LARGE1: variants seen among roughly 807,000 people sequenced by gnomAD.
LARGE1 encodes the protein xylosyl- and glucuronyltransferase LARGE1.
In LARGE1, 43 loss-of-function variants were observed where a neutral mutation model predicts 87.6. That is an observed-to-expected ratio of 0.49 (90% CI 0.38 to 0.63). The LOEUF (loss-of-function observed/expected upper bound fraction) is 0.63, where lower values mean the gene tolerates loss of function less well. Among genes scored for constraint, LARGE1 ranks in the 30% least tolerant of loss-of-function variants. The probability of loss-of-function intolerance (pLI) is 0.00; values close to 1 mark genes in which losing one functional copy is unlikely to be tolerated. For synonymous variants in LARGE1, 434 were observed against 394.6 expected (o/e 1.10, Z -1.18); for missense variants, 802 against 1,000.2 (o/e 0.80, Z 2.67).
At chr22:33,895,411 C>A (rs78787317) in intron 1 of LARGE1, among the ~76,000 whole-genome samples, 3,256 of 152,286 alleles carry the variant, frequency 0.021, 124 homozygotes, top group African/African-American at 0.075. Context: ...CAAAACAGCA[C>A]ACATTCATTA....
intron 11 of LARGE1, among the ~76,000 whole-genome samples, chr22:33,246,610 C>T (rs776262297): frequency 5.3e-5 from 8 of 152,186 alleles, no homozygotes; most frequent in Non-Finnish European, 1.2e-4. Flanking sequence ...CGCACCACTG[C>T]ACTCCAGCTT....
intron 4 of LARGE1, among the ~76,000 whole-genome samples, chr22:33,605,516 T>G (rs537811749): frequency 6.6e-6 from 1 of 152,298 alleles, no homozygotes; most frequent in East Asian, 1.9e-4. Flanking sequence ...GACCTTCTCA[T>G]CAGGCTGCTG....
chr22:33,081,157 A>G, the LARGE1 span, among the ~76,000 whole-genome samples: 15,499 of 152,248 alleles, frequency 0.1, 973 homozygotes, highest in African/African-American at 0.18. Flanking sequence ...GTGGCCATCT[A>G]CTAGTCAGGA....
intron 2 of LARGE1, among the ~76,000 whole-genome samples, chr22:33,712,637 AGTGTGTGTGTGTGTGTGTGTGTGTGT>A (rs34754283): frequency 7.4e-6 from 1 of 134,636 alleles, no homozygotes; most frequent in Non-Finnish European, 1.6e-5. Flanking sequence ...TGAGGGGTAC[AGTGTGTGTGTGTGTGTGTGTGTGTGT>A]GTGTGTGTGT....
chr22:33,825,284 T>C (rs562936561), intron 1 of LARGE1, among the ~76,000 whole-genome samples: 3 of 152,014 alleles, frequency 2.0e-5, no homozygotes, highest in East Asian at 1.9e-4. Flanking sequence ...TCCCCAAATA[T>C]GGGATGGGGT....
intron 13 of LARGE1, among the ~76,000 whole-genome samples, chr22:33,279,992 G>A (rs991068092): frequency 5.9e-5 from 9 of 152,322 alleles, no homozygotes; most frequent in Admixed American, 5.2e-4. Flanking sequence ...TGTGTCAACT[G>A]GGGAAAAGAA....
At chr22:33,491,862 A>T (rs1046504419) in intron 6 of LARGE1, among the ~76,000 whole-genome samples, 1 of 152,232 alleles carries the variant, frequency 6.6e-6, no homozygotes, top group African/African-American at 2.4e-5. Context: ...ATTACTATGA[A>T]ATAAAGACAA....
intron 6 of LARGE1, among the ~76,000 whole-genome samples, chr22:33,510,829 C>T (rs777709027): frequency 2.6e-5 from 4 of 152,254 alleles, no homozygotes; most frequent in East Asian, 1.9e-4. Flanking sequence ...TCAAGCAATC[C>T]GCCCACCTTG....
At chr22:33,696,259 CTTTCTTTTT>C (rs1569380117) in intron 2 of LARGE1, among the ~76,000 whole-genome samples, 1 of 121,716 alleles carries the variant, frequency 8.2e-6, no homozygotes, top group African/African-American at 3.2e-5. Context: ...TTCTTTCTTT[CTTTCTTTTT>C]TTTTTTTTTT....
At chr22:33,079,460 C>T in the LARGE1 span, among the ~76,000 whole-genome samples, 1 of 151,994 alleles carries the variant, frequency 6.6e-6, no homozygotes, top group Non-Finnish European at 1.5e-5. Flanking sequence ...ATCTCCTGAC[C>T]TCATGACCTG....
intron 11 of LARGE1, among the ~76,000 whole-genome samples, chr22:33,210,718 G>A (rs759092066): frequency 2.0e-5 from 3 of 152,232 alleles, no homozygotes; most frequent in African/African-American, 4.8e-5. Context: ...ACACGCACAC[G>A]GGCTCACCTG....
intron 6 of LARGE1, among the ~76,000 whole-genome samples, chr22:33,493,871 T>G (rs967216236): frequency 6.6e-5 from 10 of 152,146 alleles, no homozygotes; most frequent in Non-Finnish European, 1.5e-4. Context: ...CTGACATAAT[T>G]AAGAGACCCT....
At chr22:33,826,400 T>C (rs1238129239) in intron 1 of LARGE1, among the ~76,000 whole-genome samples, 2 of 149,678 alleles carry the variant, frequency 1.3e-5, no homozygotes, top group African/African-American at 5.0e-5. Flanking sequence ...TGGAGCACAA[T>C]GGCGCAATCT....
At chr22:33,482,489 T>A (rs747498591) in intron 6 of LARGE1, among the ~76,000 whole-genome samples, 3 of 152,112 alleles carry the variant, frequency 2.0e-5, no homozygotes, top group Non-Finnish European at 4.4e-5. Context: ...ACTTCCTGCA[T>A]GTTAAAGGCA....
chr22:33,588,144 A>C (rs1382305801), intron 5 of LARGE1, among the ~76,000 whole-genome samples: 5 of 152,252 alleles, frequency 3.3e-5, no homozygotes, highest in Non-Finnish European at 7.3e-5. Context: ...ACTATGAGCA[A>C]GCACATGCTA....
At chr22:33,757,789 T>C (rs1328572456) in intron 2 of LARGE1, among the ~76,000 whole-genome samples, 1 of 152,168 alleles carries the variant, frequency 6.6e-6, no homozygotes, top group African/African-American at 2.4e-5. Flanking sequence ...AATAAATGGA[T>C]TGTAACGTTG....
rs936978956 is a variant in LARGE1 at position 33,794,802 on chromosome 22, T to C, written c.-82-33244A>G. On this transcript the variant is annotated intron_variant, in intron 1 of 14. Transcript: ENST00000397394. The stretch of plus-strand genomic sequence containing the variant: ...ACCCAGCTGATTTTTATATTTTTAG[T>C]AGAAATAGGGTTTCACTATATTGGC... Among the ~76,000 whole-genome samples, 8 of 152,240 alleles carry C rather than the reference T, an allele frequency of 5.3e-5. No individual in the cohort carries two copies. The South Asian group carries it at 1.7e-3, about 32-fold the overall frequency.
downstream of LARGE1, among the ~76,000 whole-genome samples, chr22:33,159,976 A>G (rs1019149910): frequency 1.3e-5 from 2 of 151,892 alleles, no homozygotes; most frequent in Admixed American, 1.3e-4. Context: ...GAAACAAAAT[A>G]ACTTATGCAC....
At chr22:33,354,380 A>C (rs902619830) in intron 9 of LARGE1, among the ~76,000 whole-genome samples, 1 of 152,240 alleles carries the variant, frequency 6.6e-6, no homozygotes, top group African/African-American at 2.4e-5. Context: ...TCTTCACTTA[A>C]GGTTGATAAG....
Sources: allele counts gnomAD v4.1 joint callset (sites outside exome capture counted in the v4.1 genomes callset), GRCh38; gene constraint gnomAD v4.1.1; transcripts MANE v1.5; gene names NCBI Gene and HGNC (gene_info 2026-07-23, HGNC 2026-07-21).